Variants in TAF1D observed in about 807,000 individuals in gnomAD.
TAF1D encodes TATA-box binding protein associated factor, RNA polymerase I subunit D.
In TAF1D, 23 loss-of-function variants were observed where a neutral mutation model predicts 26.2. The ratio of observed to expected loss-of-function variants is 0.88; its 90% CI spans 0.63 to 1.25. The LOEUF (loss-of-function observed/expected upper bound fraction) is 1.25. Among genes scored for constraint, TAF1D ranks in the 50% most tolerant of loss-of-function variants. TAF1D has a pLI of 0.00. For missense variants in TAF1D, 299 were observed against 322.0 expected, an observed-to-expected ratio of 0.93 and a Z score of 0.55; for synonymous variants, 100 against 105.6, an observed-to-expected ratio of 0.95 and a Z score of 0.33.
At chr11:93,735,303 G>T, downstream of TAF1D, 1 of 1,238,238 alleles carries the variant, frequency 8.1e-7, no homozygotes, top group South Asian at 1.5e-5. Context: ...TGAACATCGG[G>T]GTAATGACTG....
chr11:93,733,020 G>T, downstream of TAF1D: 1 of 333,354 alleles, frequency 3.0e-6, no homozygotes, highest in Non-Finnish European at 5.9e-6. Context: ...TGAAATACTG[G>T]GATGGTGTAA....
chr11:93,737,616 T>C (rs1191671028), intron 3 of TAF1D, among the ~76,000 whole-genome samples: 1 of 152,214 alleles, frequency 6.6e-6, no homozygotes, highest in Non-Finnish European at 1.5e-5. Context: ...CAAGGGATCA[T>C]AAATTAATTC....
At chr11:93,740,530 CTT>C (rs773882884) in intron 1 of TAF1D, among the ~76,000 whole-genome samples, 1 of 148,566 alleles carries the variant, frequency 6.7e-6, no homozygotes, top group African/African-American at 2.5e-5. Flanking sequence ...TAGTCAATCT[CTT>C]GTCTCATTCT....
rs1942029673 is a variant in TAF1D, at chr11:93,741,319, T to G, written c.-28+3A>C. 1 of 456,016 alleles carries G rather than the reference T, an allele frequency of 2.2e-6. No homozygotes were observed. Among genetic ancestry groups the G allele is most frequent in the Non-Finnish European group, 4.4e-6 (1 of 226,942 alleles). The allele number at this position is 456,016 out of a possible 1,614,324, so 28.2% of individuals were successfully genotyped here. On this transcript the variant is annotated splice_donor_region_variant and intron_variant, in intron 1 of 5. Transcript: ENST00000448108. ...GGACGGCCTCGCCCTCTTAGCAACCTACCTAAAACGGCCTCGCAGTGGCCC... is the reference window on the plus strand; with the variant it reads ...GGACGGCCTCGCCCTCTTAGCAACCGACCTAAAACGGCCTCGCAGTGGCCC...
Position 93,736,155 on chromosome 11 carries a change from A to G in TAF1D, c.*6T>C. 4.3e-6 allele frequency: 7 copies of G among 1,613,278 alleles called. No homozygotes were observed. The highest frequency in any genetic ancestry group is 5.9e-6 in the Non-Finnish European group (7 of 1,179,688). ...ATATGCTTCACCTTTGACATTCATG[A>G]TCCTGTCACATTTTCAGGCCTCTCT... On this transcript the variant is annotated 3_prime_UTR_variant, in exon 6 of 6. Coordinates refer to ENST00000448108, the MANE Select transcript of TAF1D (RefSeq NM_024116.4).
chr11:93,739,323 A>C lies in TAF1D; in HGVS notation c.-19T>G. 1 of 1,603,610 alleles carries C rather than the reference A, an allele frequency of 6.2e-7. No homozygotes were observed. Among genetic ancestry groups the C allele is most frequent in the Non-Finnish European group, 8.5e-7 (1 of 1,176,274 alleles). On this transcript the variant is annotated 5_prime_UTR_variant, in exon 2 of 6. Coordinates refer to ENST00000448108, the MANE Select transcript of TAF1D (RefSeq NM_024116.4). ...TATCCATCAATTGCTCTTTGTTTTA[A>C]ACAGTTTTCTGAAATTATGAAATTT...
chr11:93,736,374 A>G, intron 5 of TAF1D, 70 bp from the exon 6 acceptor site: 1 of 1,492,554 alleles, frequency 6.7e-7, no homozygotes, highest in Non-Finnish European at 8.9e-7. Flanking sequence ...CATATAGCTG[A>G]ATGCCCTGGA....
Position 93,737,091 on chromosome 11 carries a change from CCAT to C in TAF1D, c.605_607del (p.Asp202del), listed in dbSNP as rs1159540501. 1.2e-6 allele frequency: 2 copies of C among 1,606,734 alleles called. No individual in the cohort carries two copies. The highest frequency in any genetic ancestry group is 8.5e-7 in the Non-Finnish European group (1 of 1,177,386). ...TGACTCCTCAATAGGAGAAATGGAT[CCAT>C]CATCATCCAAAAATTTGTATCTACG... On this transcript the variant is annotated inframe_deletion, in exon 4 of 6. Coordinates refer to ENST00000448108, the MANE Select transcript of TAF1D (RefSeq NM_024116.4).
chr11:93,732,745 C>A, downstream of TAF1D: 1 of 223,984 alleles, frequency 4.5e-6, no homozygotes, highest in Non-Finnish European at 9.1e-6. Context: ...GATCAGACAA[C>A]AAACGTCAAG....
chr11:93,739,423 G>T, intron 1 of TAF1D, 92 bp from the exon 2 acceptor site: 1 of 708,704 alleles, frequency 1.4e-6, no homozygotes, highest in African/African-American at 1.8e-5. Context: ...CTATGCCAAT[G>T]ATTTCAGGCG....
rs1367581331 is a variant in TAF1D, at chr11:93,730,200, A to T, written c.*1251T>A. ...TAATTTTTCAAGCATGAAGTACACA[A>T]CTGAAACTCAAATTTTTATTCCTTC... On this transcript the variant is annotated 3_prime_UTR_variant and NMD_transcript_variant, in exon 12 of 12. Coordinates refer to the TAF1D transcript ENST00000323981. 1.9e-6 allele frequency: 3 copies of T among 1,551,270 alleles called. No homozygotes were observed. In the African/African-American group the frequency reaches 4.1e-5, roughly 21 times the overall value.
chr11:93,739,408 T>C, intron 1 of TAF1D, 77 bp from the exon 2 acceptor site: 1 of 917,936 alleles, frequency 1.1e-6, no homozygotes, highest in Non-Finnish European at 1.7e-6. Context: ...TTGAACGTGG[T>C]CAGACTATGC....
chr11:93,738,827 A>G (rs951721887), intron 2 of TAF1D: 3 of 300,468 alleles, frequency 1.0e-5, no homozygotes, highest in South Asian at 1.2e-4. Flanking sequence ...CCTCCCAAGT[A>G]GCTAGCTAGG....
chr11:93,738,054 A>T (rs762777808), intron 3 of TAF1D, 55 bp downstream of exon 3: 5 of 1,504,516 alleles, frequency 3.3e-6, no homozygotes, highest in Non-Finnish European at 4.4e-6. Flanking sequence ...TGGCCAACAA[A>T]TCATTTTGGG....
At position 93,739,240 on chromosome 11, in the gene TAF1D, C is replaced by T. The variant is rs111982745; in HGVS notation, c.65G>A (p.Arg22Gln). ...AAACATGATTGAATCCACTCACCTT[C>T]GATTTGCAAGTTCCACAGCATCAGA... ...VTSDAVELAN[R>Q]SDNSSDSSLF... is the part of the protein sequence containing the mutation. The change falls in exon 2 of 6, where the codon CGA becomes CAA. Residue 22 changes from arginine (R) to glutamine (Q), a missense_variant. By Grantham distance (43) the Arg-to-Gln change is conservative. Coordinates refer to ENST00000448108, the MANE Select transcript of TAF1D (RefSeq NM_024116.4). The T allele has an allele frequency of 1.3e-4, 211 of 1,610,718 alleles. 1 individual carries two copies. The African/African-American group carries it at 2.5e-3, about 19-fold the overall frequency.
chr11:93,731,072 T>G (rs1938593160), downstream of TAF1D: 1 of 518,792 alleles, frequency 1.9e-6, no homozygotes, highest in African/African-American at 1.9e-5. Context: ...AATGAGAAAC[T>G]GCATTCTAAA....
rs772106590 is a variant in TAF1D, at chr11:93,736,139, A to C, written c.*22T>G. ...TGAAGTCGTTTTTTCTATATGCTTC[A>C]CCTTTGACATTCATGATCCTGTCAC... On this transcript the variant is annotated 3_prime_UTR_variant, in exon 6 of 6. Coordinates refer to ENST00000448108, the MANE Select transcript of TAF1D (RefSeq NM_024116.4). 2 of 1,612,780 alleles carry C rather than the reference A, an allele frequency of 1.2e-6. No individual in the cohort carries two copies. Among genetic ancestry groups the C allele is most frequent in the Non-Finnish European group, 8.5e-7 (1 of 1,179,594 alleles).
Position 93,735,919 on chromosome 11 carries a change from A to G in TAF1D, c.*242T>C, listed in dbSNP as rs1169237529. The G allele has an allele frequency of 2.1e-5, 27 of 1,265,666 alleles. No homozygotes were observed. Among genetic ancestry groups the G allele is most frequent in the East Asian group, 7.8e-5 (2 of 25,660 alleles). The allele number at this position is 1,265,666 out of a possible 1,614,324, so 78.4% of individuals were successfully genotyped here. A position where few individuals can be genotyped will look rare whatever the true frequency, so the allele number is the denominator to read the frequency against. On this transcript the variant is annotated 3_prime_UTR_variant, in exon 6 of 6. Transcript: ENST00000448108. ...GCTCTTATTCAGAAATCAAATGACA[A>G]TTTCTCAAATTTTTCTATGTATTTT...
chr11:93,731,122 T>TA (rs1452622563), downstream of TAF1D: 7 of 497,954 alleles, frequency 1.4e-5, no homozygotes, highest in Non-Finnish European at 2.8e-5. Flanking sequence ...GCAAATAACT[T>TA]ATAGTTAAGA....
Sources: gnomAD v4.1 joint callset for allele counts (sites outside exome capture counted in the v4.1 genomes callset) on GRCh38, gnomAD v4.1.1 for gene constraint, MANE v1.5 for transcripts, NCBI Gene and HGNC (gene_info 2026-07-23, HGNC 2026-07-21) for gene names.